The following EYS variants were observed in gnomAD, a reference collection of about 807,000 sequenced individuals.
EYS encodes EGF-like photoreceptor maintenance factor, also known as protein eyes shut homolog.
A neutral mutation model predicts 282.1 loss-of-function variants in EYS; 250 were observed. That is an observed-to-expected ratio of 0.89 (90% CI 0.80 to 0.98). EYS has a LOEUF of 0.98. EYS is among the 50% of genes least tolerant of loss of function. The pLI is 0.00. For synonymous variants in EYS, 1,355 were observed against 1,282.9 expected (o/e 1.06, Z -1.20); for missense variants, 4,016 against 3,709.0 (o/e 1.08, Z -2.15).
chr6:65,688,719 G>C (rs1455607861), intron 1 of EYS, among the ~76,000 whole-genome samples: 1 of 152,152 alleles, frequency 6.6e-6, no homozygotes, highest in Non-Finnish European at 1.5e-5. Context: ...CAAAGGATAT[G>C]AACAGACACT....
chr6:64,295,112 C>T (rs752845508), intron 30 of EYS, among the ~76,000 whole-genome samples: 82 of 151,418 alleles, frequency 5.4e-4, no homozygotes, highest in Non-Finnish European at 9.7e-4. Context: ...CGGTGGCTCA[C>T]GCCTGTAACC....
At position 64,214,656 on chromosome 6, in the gene EYS, G is replaced by T. The variant is rs374063553; in HGVS notation, c.6424+15936C>A. On this transcript the variant is annotated intron_variant, in intron 31 of 42. Transcript: ENST00000503581. ...GTATTTAAGTAAATAAAATACCATAGGAAGTCATAATCATAGAAATATAAA... is the reference window on the plus strand; with the variant it reads ...GTATTTAAGTAAATAAAATACCATATGAAGTCATAATCATAGAAATATAAA... 9.9e-5 allele frequency among the ~76,000 whole-genome samples: 15 copies of T among 151,886 alleles called. 1 individual carries two copies. Among genetic ancestry groups the T allele is most frequent in the African/African-American group, 3.6e-4 (15 of 41,464 alleles).
intron 28 of EYS, among the ~76,000 whole-genome samples, chr6:64,391,738 T>A (rs1773156745): frequency 6.6e-6 from 1 of 151,984 alleles, no homozygotes; most frequent in Non-Finnish European, 1.5e-5. Flanking sequence ...AATAACCAGC[T>A]AACATCATAA....
chr6:64,961,432 A>C lies in EYS; in HGVS notation c.2260-15518T>G, dbSNP rs184321029. On this transcript the variant is annotated intron_variant, in intron 14 of 42. Coordinates refer to ENST00000503581, the MANE Select transcript of EYS (RefSeq NM_001142800.2). ...TGTAGTGAACAGGAATGAAGTGATC[A>C]GTTATCCTTTCCAATATATCATATA... Among the ~76,000 whole-genome samples, 5 of 150,996 alleles carry C rather than the reference A, an allele frequency of 3.3e-5. 1 individual carries two copies. Among genetic ancestry groups the C allele is most frequent in the African/African-American group, 1.2e-4 (5 of 40,626 alleles).
At chr6:65,485,091 A>G (rs1284317800) in intron 5 of EYS, among the ~76,000 whole-genome samples, 7 of 152,226 alleles carry the variant, frequency 4.6e-5, no homozygotes, top group African/African-American at 1.7e-4. Flanking sequence ...CTTATTCTAC[A>G]ATAAATACTT....
At position 64,436,259 on chromosome 6, in the gene EYS, A is replaced by G. The variant is rs372162509; in HGVS notation, c.5842T>C (p.Phe1948Leu). ...AATTTTGCTTCACCAGGACAGTAAAAGTGGTACTGTTGGGGGAAAAAATTT... is the reference window on the plus strand; with the variant it reads ...AATTTTGCTTCACCAGGACAGTAAAGGTGGTACTGTTGGGGGAAAAAATTT... ...FIENGTLKYH[F>L]YCPGEAKFKS... Residue 1948 changes from phenylalanine (F) to leucine (L), a missense_variant, in exon 28 of 43, where the codon TTT (phenylalanine) becomes CTT (leucine). By Grantham distance (22) the Phe-to-Leu change is conservative (BLOSUM62 0). Transcript: ENST00000503581. The G allele has an allele frequency of 2.0e-6, 3 of 1,537,326 alleles. No individual in the cohort carries two copies. Among genetic ancestry groups the G allele is most frequent in the South Asian group, 2.4e-5 (2 of 81,638 alleles).
intron 22 of EYS, among the ~76,000 whole-genome samples, chr6:64,628,205 C>G (rs1286305293): frequency 2.0e-5 from 3 of 151,052 alleles, no homozygotes; most frequent in African/African-American, 7.3e-5. Context: ...CTGCCACAGT[C>G]AACCTCCCCA....
intron 2 of EYS, among the ~76,000 whole-genome samples, chr6:65,611,687 A>C (rs994945303): frequency 6.6e-6 from 1 of 152,126 alleles, no homozygotes; most frequent in Non-Finnish European, 1.5e-5. Flanking sequence ...ATTTATCGCA[A>C]GATTTCTATA....
At chr6:64,482,588 C>T (rs1227010562) in intron 26 of EYS, among the ~76,000 whole-genome samples, 1 of 151,572 alleles carries the variant, frequency 6.6e-6, no homozygotes, top group Non-Finnish European at 1.5e-5. Context: ...CAGTAAATAG[C>T]TTACAATGTT....
chr6:64,113,519 C>A (rs1178458700), intron 31 of EYS, among the ~76,000 whole-genome samples: 3 of 152,106 alleles, frequency 2.0e-5, no homozygotes, highest in African/African-American at 7.2e-5. Flanking sequence ...ACAGATATGA[C>A]TTTTGCACTT....
intron 12 of EYS, among the ~76,000 whole-genome samples, chr6:65,192,293 C>CTGTG (rs58238401): frequency 0.034 from 4,806 of 142,848 alleles, 106 homozygotes; most frequent in Middle Eastern, 0.053. Context: ...TTTTTCTACT[C>CTGTG]TGTGTGTGTG....
chr6:64,987,136 T>C (rs564713131), intron 14 of EYS, among the ~76,000 whole-genome samples: 140 of 151,676 alleles, frequency 9.2e-4, no homozygotes, highest in Admixed American at 2.2e-3. Context: ...CCAGTTATTC[T>C]GGCGACAAGC....
chr6:64,154,824 G>T (rs1184233460), intron 31 of EYS, among the ~76,000 whole-genome samples: 10 of 152,066 alleles, frequency 6.6e-5, no homozygotes, highest in Admixed American at 6.6e-4. Flanking sequence ...GTCATGAGGT[G>T]TGTGTTTTTT....
At chr6:65,334,893 T>A in intron 11 of EYS, 87 bp downstream of exon 11, 2 of 1,265,326 alleles carry the variant, frequency 1.6e-6, no homozygotes, top group Non-Finnish European at 2.3e-6. Context: ...AACAAAAACA[T>A]TGTTACCATG....
rs775241720 is a variant in EYS at position 63,863,670 on chromosome 6, TTTTTC to T, written c.7228+511_7228+515del. Among the ~76,000 whole-genome samples, 179 of 71,266 alleles carry T rather than the reference TTTTTC, an allele frequency of 2.5e-3. 8 individuals carry two copies. The highest frequency in any genetic ancestry group is 2.8e-3 in the Non-Finnish European group (96 of 33,730). 46.8% of individuals were successfully genotyped at this position (71,266 alleles called of 152,430 possible). ...TTTCTTTTCTTTTCTTTTCTTTTCT[TTTTTC>T]TTTTTTTTTTTTTTTTTTGAGATGG... On this transcript the variant is annotated intron_variant, in intron 36 of 42. Coordinates refer to ENST00000503581, the MANE Select transcript of EYS (RefSeq NM_001142800.2).
chr6:63,900,238 T>TGC (rs1773626882), intron 35 of EYS, among the ~76,000 whole-genome samples: 1 of 152,186 alleles, frequency 6.6e-6, no homozygotes, highest in Non-Finnish European at 1.5e-5. Flanking sequence ...ACAATAAAAA[T>TGC]GCAATAACAA....
intron 31 of EYS, among the ~76,000 whole-genome samples, chr6:64,229,462 C>G (rs7776109): frequency 0.017 from 2,558 of 152,206 alleles, 64 homozygotes; most frequent in African/African-American, 0.056. Flanking sequence ...TAGCAGAAAG[C>G]AAACATCATG....
chr6:63,958,346 A>G lies in EYS; in HGVS notation c.7055+26037T>C, dbSNP rs1765909753. On this transcript the variant is annotated intron_variant, in intron 35 of 42. Coordinates refer to ENST00000503581, the MANE Select transcript of EYS (RefSeq NM_001142800.2). Reference sequence around the variant, plus strand: ...TTATGAAATAAACTATAGAGGAAGAAAATCTGGCAATGGAAGAGAATAATG... The same window carrying G: ...TTATGAAATAAACTATAGAGGAAGAGAATCTGGCAATGGAAGAGAATAATG... 3.4e-5 allele frequency among the ~76,000 whole-genome samples: 4 copies of G among 116,414 alleles called. 1 individual carries two copies. The South Asian group carries it at 1.1e-3, about 31-fold the overall frequency. The allele number at this position is 116,414 out of a possible 152,430, so 76.4% of individuals were successfully genotyped here. A position where few individuals can be genotyped will look rare whatever the true frequency, so the allele number is the denominator to read the frequency against.
intron 18 of EYS, among the ~76,000 whole-genome samples, chr6:64,891,367 C>T (rs997681114): frequency 1.3e-5 from 2 of 152,008 alleles, no homozygotes; most frequent in Non-Finnish European, 2.9e-5. Context: ...TTTTTATTTT[C>T]TCTTCCTCCT....
Sources: gnomAD v4.1 joint callset for allele counts (sites outside exome capture counted in the v4.1 genomes callset) on GRCh38, gnomAD v4.1.1 for gene constraint, MANE v1.5 for transcripts, NCBI Gene and HGNC (gene_info 2026-07-23, HGNC 2026-07-21) for gene names.